PRIM2: variants seen among roughly 807,000 people sequenced by gnomAD.
PRIM2 encodes DNA primase large subunit.
In PRIM2, 39 loss-of-function variants were observed where a neutral mutation model predicts 67.3. The observed-to-expected ratio is 0.58, with a 90% CI of 0.45 to 0.76. PRIM2 has a LOEUF of 0.76. PRIM2 is among the 30% of genes least tolerant of loss of function. PRIM2 has a pLI of 0.00. For missense variants in PRIM2, 398 were observed against 598.7 expected (o/e 0.66, Z 3.50); for synonymous variants, 143 against 198.7 (o/e 0.72, Z 2.36).
chr6:57,552,271 T>A lies in PRIM2; in HGVS notation c.1020+14646T>A, dbSNP rs1483992399. ...TACACTAAGCTCACTGCGTCTCTGC[T>A]CTCAGTGAGGAAGGTGGTTTCAGAC... is the stretch of plus-strand genomic sequence containing the variant. On this transcript the variant is annotated intron_variant, in intron 10 of 13. Coordinates refer to ENST00000615550, the MANE Select transcript of PRIM2 (RefSeq NM_000947.5). 2.6e-5 allele frequency among the ~76,000 whole-genome samples: 4 copies of A among 152,284 alleles called. No homozygotes were observed. The East Asian group carries it at 7.7e-4, about 29-fold the overall frequency.
At chr6:57,605,600 C>A (rs1180464570) in intron 11 of PRIM2, among the ~76,000 whole-genome samples, 1 of 151,844 alleles carries the variant, frequency 6.6e-6, no homozygotes, top group Non-Finnish European at 1.5e-5. Flanking sequence ...ATCTGTATGA[C>A]TGAAAAAAAA....
intron 7 of PRIM2, among the ~76,000 whole-genome samples, chr6:57,459,301 C>T (rs1256811370): frequency 2.0e-5 from 3 of 152,066 alleles, no homozygotes; most frequent in African/African-American, 7.2e-5. Context: ...CTTTACTTTC[C>T]ACCTTGCTGT....
intron 5 of PRIM2, among the ~76,000 whole-genome samples, chr6:57,378,517 T>C (rs575352900): frequency 7.2e-5 from 11 of 152,240 alleles, no homozygotes; most frequent in East Asian, 3.8e-4. Flanking sequence ...ATAGTTTTTT[T>C]CTATACCTTG....
chr6:57,443,518 T>G (rs1281870007), intron 7 of PRIM2, among the ~76,000 whole-genome samples: 1 of 152,220 alleles, frequency 6.6e-6, no homozygotes, highest in Non-Finnish European at 1.5e-5. Context: ...TGAACATTTT[T>G]TAAAAAATGT....
At chr6:57,537,323 T>C (rs1475330323) in intron 9 of PRIM2, 117 bp from the exon 10 acceptor site, 1 of 525,804 alleles carries the variant, frequency 1.9e-6, no homozygotes, top group Non-Finnish European at 3.1e-6. Context: ...AAGTGGCACT[T>C]TCTTATGGTG....
At chr6:57,326,132 GT>G in intron 5 of PRIM2, 87 bp downstream of exon 5, 1 of 1,443,176 alleles carries the variant, frequency 6.9e-7, no homozygotes, top group Non-Finnish European at 9.4e-7. Flanking sequence ...TGTGTAGTGT[GT>G]TCTCTTTACA....
At chr6:57,326,220 A>G in intron 5 of PRIM2, 175 bp downstream of exon 5, 1 of 524,354 alleles carries the variant, frequency 1.9e-6, no homozygotes, top group East Asian at 3.4e-5. Context: ...TGACTAGAAG[A>G]AAAGGACTCC....
chr6:57,465,152 A>G lies in PRIM2; in HGVS notation c.694-42235A>G, dbSNP rs1298336375. On this transcript the variant is annotated intron_variant, in intron 7 of 13. Transcript: ENST00000615550. ...TATCACTTATTAGATGCTACCCAGC[A>G]TCTAATTTCCTGGGAAATTCCTATG... is the stretch of plus-strand genomic sequence containing the variant. 5.4e-3 allele frequency among the ~76,000 whole-genome samples: 815 copies of G among 152,318 alleles called. 5 individuals carry two copies. Among genetic ancestry groups the G allele is most frequent in the Non-Finnish European group, 6.7e-3 (459 of 68,028 alleles).
At chr6:57,394,382 T>A (rs891259457) in intron 7 of PRIM2, among the ~76,000 whole-genome samples, 2 of 152,176 alleles carry the variant, frequency 1.3e-5, no homozygotes, top group African/African-American at 4.8e-5. Context: ...TTTGACTCCT[T>A]GGTTAGGTAT....
intron 8 of PRIM2, among the ~76,000 whole-genome samples, chr6:57,520,684 C>T (rs1236896754): frequency 5.3e-5 from 8 of 151,890 alleles, no homozygotes; most frequent in Non-Finnish European, 7.4e-5. Context: ...AAAATCCACC[C>T]GTTTAAAGGG....
intron 5 of PRIM2, among the ~76,000 whole-genome samples, chr6:57,329,597 T>G (rs2127279399): frequency 6.6e-6 from 1 of 152,240 alleles, no homozygotes; most frequent in African/African-American, 2.4e-5. Context: ...AAGTTCTCAC[T>G]AGATCTGATG....
At chr6:57,582,495 CA>C (rs1776106242) in intron 10 of PRIM2, among the ~76,000 whole-genome samples, 1 of 152,096 alleles carries the variant, frequency 6.6e-6, no homozygotes, top group African/African-American at 2.4e-5. Flanking sequence ...CTTTTAACTT[CA>C]AGTTTGCCAT....
the PRIM2 span, among the ~76,000 whole-genome samples, chr6:57,258,275 G>A: frequency 2.0e-5 from 3 of 151,946 alleles, no homozygotes; most frequent in African/African-American, 7.3e-5. Flanking sequence ...GCTTGAACCC[G>A]TAAAGTATGA....
chr6:57,242,266 T>C, the PRIM2 span, among the ~76,000 whole-genome samples: 4 of 152,228 alleles, frequency 2.6e-5, no homozygotes, highest in African/African-American at 9.6e-5. Flanking sequence ...TTAAAACACA[T>C]TAAAAGCAAT....
rs1768468678 is a variant in PRIM2 at position 57,341,092 on chromosome 6, A to G, written c.459+15047A>G. Among the ~76,000 whole-genome samples the G allele has an allele frequency of 5.9e-5, 9 of 152,308 alleles. No homozygotes were observed. The South Asian group carries it at 1.9e-3, about 32-fold the overall frequency. Reference sequence around the variant, plus strand: ...AGATGCATAAATTTGGATAAACTTGAAAGATTGGCTGAAGTGATGATTAAT... The same window carrying G: ...AGATGCATAAATTTGGATAAACTTGGAAGATTGGCTGAAGTGATGATTAAT... On this transcript the variant is annotated intron_variant, in intron 5 of 13. Coordinates refer to ENST00000615550, the MANE Select transcript of PRIM2 (RefSeq NM_000947.5).
chr6:57,479,350 C>A (rs1773556944), intron 7 of PRIM2, among the ~76,000 whole-genome samples: 1 of 151,696 alleles, frequency 6.6e-6, no homozygotes, highest in Admixed American at 6.6e-5. Context: ...GTGTTGTAGA[C>A]TACTAAAAAA....
At chr6:57,576,625 A>G (rs1242056184) in intron 10 of PRIM2, among the ~76,000 whole-genome samples, 1 of 150,790 alleles carries the variant, frequency 6.6e-6, no homozygotes, top group Non-Finnish European at 1.5e-5. Context: ...ACCTATCATT[A>G]CTGTGATGCC....
intron 10 of PRIM2, among the ~76,000 whole-genome samples, chr6:57,561,029 A>G (rs1207443484): frequency 5.3e-5 from 8 of 152,308 alleles, no homozygotes; most frequent in Non-Finnish European, 1.2e-4. Context: ...CCTAGATGAC[A>G]TCTTCTTCCA....
rs5011403 is a variant in PRIM2, at chr6:57,379,982, G to A, written c.541G>A (p.Glu181Lys). 9.0e-6 allele frequency: 14 copies of A among 1,555,134 alleles called. No individual in the cohort carries two copies. The Admixed American group carries it at 9.7e-5, about 11-fold the overall frequency. ...PSLSGLKLGF[E>K]SIYKIPFADA... ...TTTAAGTGGACTTAAGTTGGGGTTC[G>A]AGTCCATTTATAAGGTATGTAAACA... The change falls in exon 6 of 14, where the codon GAG (glutamate) becomes AAG (lysine). Residue 181 changes from glutamate (E) to lysine (K), a missense_variant. Transcript: ENST00000615550.
Sources: gnomAD v4.1 joint callset for allele counts (sites outside exome capture counted in the v4.1 genomes callset) on GRCh38, gnomAD v4.1.1 for gene constraint, MANE v1.5 for transcripts, NCBI Gene and HGNC (gene_info 2026-07-23, HGNC 2026-07-21) for gene names.